The following ADCY5 variants were observed in gnomAD, a reference collection of about 807,000 sequenced individuals.
ADCY5 encodes adenylate cyclase 5.
In ADCY5, 30 loss-of-function variants were observed where a neutral mutation model predicts 119.7. The ratio of observed to expected loss-of-function variants is 0.25; its 90% CI spans 0.19 to 0.34. The LOEUF (loss-of-function observed/expected upper bound fraction) is 0.34. Among genes scored for constraint, ADCY5 ranks in the 10% least tolerant of loss-of-function variants. The probability of loss-of-function intolerance (pLI) is 1.00; values close to 1 mark genes in which losing one functional copy is unlikely to be tolerated. For missense variants in ADCY5, 1,324 were observed against 1,775.2 expected (o/e 0.75, Z 4.57); for synonymous variants, 753 against 762.2 (o/e 0.99, Z 0.20).
intron 3 of ADCY5, among the ~76,000 whole-genome samples, chr3:123,343,739 C>A (rs1021788077): frequency 6.6e-6 from 1 of 152,128 alleles, no homozygotes; most frequent in South Asian, 2.1e-4. Context: ...CCAGCCCTGG[C>A]GCTGTCAGCT....
intron 7 of ADCY5, among the ~76,000 whole-genome samples, chr3:123,327,154 G>A (rs1049573934): frequency 1.3e-5 from 2 of 152,084 alleles, no homozygotes; most frequent in African/African-American, 4.8e-5. Context: ...AGACAAAGGG[G>A]GAAAAAGAAA....
chr3:123,293,639 G>T (rs1023724441), intron 17 of ADCY5, among the ~76,000 whole-genome samples: 1 of 152,172 alleles, frequency 6.6e-6, no homozygotes, highest in Non-Finnish European at 1.5e-5. Context: ...ATAATGGGAG[G>T]TGAGTTTCTC....
At chr3:123,368,271 G>A (rs2107525077) in intron 1 of ADCY5, among the ~76,000 whole-genome samples, 1 of 152,302 alleles carries the variant, frequency 6.6e-6, no homozygotes. Flanking sequence ...TTAGAGATCT[G>A]GAGGGCTGAG....
intron 1 of ADCY5, among the ~76,000 whole-genome samples, chr3:123,424,111 G>A (rs1466274260): frequency 6.6e-6 from 1 of 152,272 alleles, no homozygotes; most frequent in Admixed American, 6.5e-5. Flanking sequence ...GCCAGCATGA[G>A]GATTATCCCA....
At chr3:123,389,675 CA>C (rs1944345352) in intron 1 of ADCY5, among the ~76,000 whole-genome samples, 1 of 152,092 alleles carries the variant, frequency 6.6e-6, no homozygotes, top group Non-Finnish European at 1.5e-5. Context: ...ATGAGAGGGA[CA>C]CTAACCCTGA....
At chr3:123,297,054 C>T in intron 16 of ADCY5, 2 of 1,535,970 alleles carry the variant, frequency 1.3e-6, no homozygotes, top group Non-Finnish European at 1.7e-6. Context: ...CACACAGGCT[C>T]CTGGGGAAGA....
At chr3:123,300,342 C>T in intron 14 of ADCY5, 47 bp from the exon 15 acceptor site, 1 of 1,589,162 alleles carries the variant, frequency 6.3e-7, no homozygotes, top group Non-Finnish European at 8.6e-7. Context: ...CCTGCCCGAC[C>T]CCGGGCCCTG....
At chr3:123,325,179 T>C (rs1941419510) in intron 8 of ADCY5, 143 bp downstream of exon 8, 2 of 1,115,188 alleles carry the variant, frequency 1.8e-6, no homozygotes, top group Non-Finnish European at 2.5e-6. Flanking sequence ...TAGTCCAAAG[T>C]TGGGGCAAAC....
chr3:123,331,347 T>C (rs1941755261), intron 4 of ADCY5, among the ~76,000 whole-genome samples: 1 of 152,206 alleles, frequency 6.6e-6, no homozygotes, highest in Non-Finnish European at 1.5e-5. Flanking sequence ...AGGGTGGCCT[T>C]ATCAGCTTAA....
chr3:123,318,612 A>G (rs1349372225), intron 10 of ADCY5, among the ~76,000 whole-genome samples: 1 of 152,184 alleles, frequency 6.6e-6, no homozygotes, highest in Non-Finnish European at 1.5e-5. Context: ...AGCCACACTG[A>G]TGGAGGTTGG....
At chr3:123,383,981 CAAA>C (rs1944129381) in intron 1 of ADCY5, among the ~76,000 whole-genome samples, 1 of 67,806 alleles carries the variant, frequency 1.5e-5, no homozygotes, top group Non-Finnish European at 3.7e-5. Context: ...CACACACACA[CAAA>C]CACACACCCA....
Position 123,448,514 on chromosome 3 carries a change from C to A in ADCY5, c.32G>T (p.Gly11Val). The part of the protein sequence containing the change: MSGSKSVSPP[G>V]YAAQKTAAPA... Reference sequence around the variant, plus strand: ...CGCCGCAGTCTTCTGCGCCGCGTAGCCCGGGGGGCTCACGCTTTTGGAGCC... The same window carrying A: ...CGCCGCAGTCTTCTGCGCCGCGTAGACCGGGGGGCTCACGCTTTTGGAGCC... The change falls in exon 1 of 21, where the codon GGC becomes GTC. Residue 11 changes from glycine (G) to valine (V), a missense_variant. Gly to Val is a moderately radical substitution (Grantham distance 109). Coordinates refer to ENST00000462833, the MANE Select transcript of ADCY5 (RefSeq NM_183357.3). 1 of 1,265,480 alleles carries A rather than the reference C, an allele frequency of 7.9e-7. No individual in the cohort carries two copies. The highest frequency in any genetic ancestry group is 2.8e-5 in the South Asian group (1 of 35,124). The allele number at this position is 1,265,480 out of a possible 1,614,324, so 78.4% of individuals were successfully genotyped here.
Position 123,447,821 on chromosome 3 carries a change from A to G in ADCY5, c.725T>C (p.Leu242Pro). The change falls in exon 1 of 21, where the codon CTC (leucine) becomes CCC (proline). Residue 242 changes from leucine to proline, a missense_variant. Leu to Pro is a moderately conservative substitution (Grantham distance 98). Transcript: ENST00000462833. The part of the protein sequence containing the change: ...RYFFRLNQSS[L>P]TMLMAVLVLV... ...CACCAGCACGGCCATGAGCATGGTG[A>G]GGCTGCTCTGGTTCAGGCGGAAGAA... 6.2e-7 allele frequency: 1 copy of G among 1,612,854 alleles called. No individual in the cohort carries two copies. Among genetic ancestry groups the G allele is most frequent in the East Asian group, 2.2e-5 (1 of 44,850 alleles).
chr3:123,320,630 C>G, intron 9 of ADCY5, 119 bp downstream of exon 9: 1 of 1,395,424 alleles, frequency 7.2e-7, no homozygotes, highest in Non-Finnish European at 1.0e-6. Context: ...CATTCACTCT[C>G]AGCTAAGACT....
intron 1 of ADCY5, among the ~76,000 whole-genome samples, chr3:123,441,133 T>C (rs1483533013): frequency 2.6e-5 from 4 of 152,160 alleles, no homozygotes; most frequent in Non-Finnish European, 4.4e-5. Flanking sequence ...TCTTGGCCAA[T>C]GATCCCAAAC....
intron 19 of ADCY5, among the ~76,000 whole-genome samples, chr3:123,289,497 G>C (rs1939002702): frequency 1.3e-5 from 2 of 152,248 alleles, no homozygotes; most frequent in African/African-American, 4.8e-5. Context: ...TCACCAAGGG[G>C]TGTCCTACCC....
At chr3:123,290,093 T>C in intron 18 of ADCY5, 139 bp from the exon 19 acceptor site, 1 of 838,466 alleles carries the variant, frequency 1.2e-6, no homozygotes, top group Non-Finnish European at 1.9e-6. Flanking sequence ...CCTGTCTCCA[T>C]CCTCATCAGT....
At chr3:123,318,766 G>A (rs1174294857) in intron 10 of ADCY5, among the ~76,000 whole-genome samples, 1 of 152,154 alleles carries the variant, frequency 6.6e-6, no homozygotes, top group African/African-American at 2.4e-5. Context: ...TGAACCCTGG[G>A]GAGATGCTGC....
intron 1 of ADCY5, among the ~76,000 whole-genome samples, chr3:123,377,481 C>T (rs1276047745): frequency 6.6e-6 from 1 of 152,196 alleles, no homozygotes; most frequent in Admixed American, 6.5e-5. Flanking sequence ...GTGGGTCCCC[C>T]CACAACAGCC....
Sources: allele counts gnomAD v4.1 joint callset (sites outside exome capture counted in the v4.1 genomes callset), GRCh38; gene constraint gnomAD v4.1.1; transcripts MANE v1.5; gene names NCBI Gene and HGNC (gene_info 2026-07-23, HGNC 2026-07-21).